The following PLPPR1 variants were observed in gnomAD, a reference collection of about 807,000 sequenced individuals.
PLPPR1 encodes phospholipid phosphatase-related protein type 1.
In PLPPR1, 10 loss-of-function variants were observed where a neutral mutation model predicts 33.1. The observed-to-expected ratio is 0.30, with a 90% CI of 0.19 to 0.51. The LOEUF (loss-of-function observed/expected upper bound fraction) is 0.51. Among genes scored for constraint, PLPPR1 ranks in the 20% least tolerant of loss-of-function variants. The pLI, the probability that PLPPR1 is intolerant of heterozygous loss-of-function variation, is 0.97. For missense variants in PLPPR1, 304 were observed against 408.1 expected (o/e 0.74, Z 2.20); for synonymous variants, 151 against 151.0 (o/e 1.00, Z 0.00).
Position 101,185,568 on chromosome 9 carries a change from T to G in PLPPR1, c.63+11T>G. 1.3e-6 allele frequency: 2 copies of G among 1,560,722 alleles called. No individual in the cohort carries two copies. The highest frequency in any genetic ancestry group is 1.8e-6 in the Non-Finnish European group (2 of 1,135,828). Reference sequence around the variant, plus strand: ...TTTATATTTGTTGAGGTATGTGTATTTTTTAACCTTTATGGACAAATTGAA... The same window carrying G: ...TTTATATTTGTTGAGGTATGTGTATGTTTTAACCTTTATGGACAAATTGAA... On this transcript the variant is annotated intron_variant, in intron 2 of 7. Transcript: ENST00000374874.
At chr9:101,280,043 G>C (rs906575828) in intron 3 of PLPPR1, among the ~76,000 whole-genome samples, 2 of 151,942 alleles carry the variant, frequency 1.3e-5, no homozygotes, top group Admixed American at 6.6e-5. Context: ...CTGACAAACA[G>C]TTAGCCAGAC....
chr9:101,040,877 A>C (rs1830069362), intron 1 of PLPPR1, among the ~76,000 whole-genome samples: 1 of 152,190 alleles, frequency 6.6e-6, no homozygotes, highest in South Asian at 2.1e-4. Flanking sequence ...TACCTGTCAC[A>C]CTCTATAAAT....
chr9:101,204,361 A>T (rs1826550691), intron 2 of PLPPR1, among the ~76,000 whole-genome samples: 1 of 152,186 alleles, frequency 6.6e-6, no homozygotes, highest in African/African-American at 2.4e-5. Flanking sequence ...GAGATGGCAA[A>T]GAAAAGGCAA....
At chr9:101,179,168 G>A (rs970970830) in intron 1 of PLPPR1, among the ~76,000 whole-genome samples, 7 of 152,124 alleles carry the variant, frequency 4.6e-5, no homozygotes, top group African/African-American at 9.7e-5. Flanking sequence ...CCATTAGGGC[G>A]TTGCTTAGTA....
intron 5 of PLPPR1, among the ~76,000 whole-genome samples, chr9:101,312,357 G>A (rs13440141): frequency 0.13 from 19,208 of 152,102 alleles, 1,411 homozygotes; most frequent in African/African-American, 0.19. Flanking sequence ...AAAATAAAAT[G>A]TACGGTCACT....
chr9:101,237,370 T>C (rs1174515929), intron 2 of PLPPR1, among the ~76,000 whole-genome samples: 1 of 151,490 alleles, frequency 6.6e-6, no homozygotes, highest in Non-Finnish European at 1.5e-5. Context: ...ATACCTGCGC[T>C]GTTATATTTA....
intron 1 of PLPPR1, among the ~76,000 whole-genome samples, chr9:101,112,610 C>G (rs1439508602): frequency 2.0e-5 from 3 of 152,234 alleles, no homozygotes; most frequent in African/African-American, 7.2e-5. Context: ...CCCCACATGA[C>G]TCCATAGTTA....
chr9:101,215,514 C>T (rs547230934), intron 2 of PLPPR1, among the ~76,000 whole-genome samples: 15 of 152,282 alleles, frequency 9.9e-5, no homozygotes, highest in African/African-American at 3.4e-4. Context: ...CTCCTGACCT[C>T]GTGATCCCCC....
intron 7 of PLPPR1, 133 bp from the exon 8 acceptor site, chr9:101,323,892 A>G: frequency 1.8e-6 from 1 of 571,052 alleles, no homozygotes; most frequent in South Asian, 2.9e-5. Context: ...GGGCCTTGGA[A>G]AAGCATATTA....
chr9:101,041,641 G>A (rs1830079413), intron 1 of PLPPR1, among the ~76,000 whole-genome samples: 1 of 152,110 alleles, frequency 6.6e-6, no homozygotes. Context: ...TGGTCTAGGG[G>A]ACAGCAGCCA....
At chr9:101,235,384 A>T (rs1412542388) in intron 2 of PLPPR1, among the ~76,000 whole-genome samples, 1 of 151,858 alleles carries the variant, frequency 6.6e-6, no homozygotes, top group Non-Finnish European at 1.5e-5. Flanking sequence ...CTAGTTCACC[A>T]TGATGCAAAT....
intron 2 of PLPPR1, among the ~76,000 whole-genome samples, chr9:101,190,981 G>A (rs1564171112): frequency 2.0e-5 from 3 of 152,152 alleles, no homozygotes; most frequent in African/African-American, 7.2e-5. Context: ...TTTCTCTTTT[G>A]TACATCTCCC....
At chr9:101,187,071 G>T (rs1826216858) in intron 2 of PLPPR1, among the ~76,000 whole-genome samples, 1 of 151,738 alleles carries the variant, frequency 6.6e-6, no homozygotes, top group South Asian at 2.1e-4. Flanking sequence ...TGTGGTGAAG[G>T]GAAAAAATCA....
intron 4 of PLPPR1, among the ~76,000 whole-genome samples, 160 bp from the exon 5 acceptor site, chr9:101,309,051 T>C (rs976803519): frequency 5.3e-5 from 8 of 152,126 alleles, no homozygotes; most frequent in Admixed American, 2.0e-4. Context: ...GAAGAAATGG[T>C]GATTTGGGAA....
At chr9:101,098,068 C>G (rs2993803) in intron 1 of PLPPR1, among the ~76,000 whole-genome samples, 106,647 of 151,880 alleles carry the variant, frequency 0.7, 37,578 homozygotes, top group East Asian at 0.89. Flanking sequence ...AGCATCAATG[C>G]ATAGATTTAA....
chr9:101,083,389 G>GA lies in PLPPR1; in HGVS notation c.-46+54304dup, dbSNP rs11367880. Among the ~76,000 whole-genome samples, 1,002 of 124,620 alleles carry GA rather than the reference G, an allele frequency of 8.0e-3. 11 individuals carry two copies. The highest frequency in any genetic ancestry group is 0.027 in the African/African-American group (882 of 32,994). 81.8% of individuals were successfully genotyped at this position (124,620 alleles called of 152,430 possible). On this transcript the variant is annotated intron_variant, in intron 1 of 7. Transcript: ENST00000374874. ...GTGACAGAGCAAGACTCCATCTCAA[G>GA]AAAAAAAAAAAAAAAAAGTTATGCA...
chr9:101,108,934 G>T (rs1353735503), intron 1 of PLPPR1, among the ~76,000 whole-genome samples: 1 of 150,116 alleles, frequency 6.7e-6, no homozygotes. Flanking sequence ...ACCCACATAA[G>T]CAAAAGCTCT....
intron 1 of PLPPR1, among the ~76,000 whole-genome samples, chr9:101,043,202 T>C (rs146695251): frequency 1.8e-4 from 28 of 152,182 alleles, no homozygotes; most frequent in African/African-American, 6.5e-4. Flanking sequence ...TATAATAGTC[T>C]CCAGTCCCAT....
chr9:101,115,587 T>TA (rs1399460775), intron 1 of PLPPR1, among the ~76,000 whole-genome samples: 2 of 152,210 alleles, frequency 1.3e-5, no homozygotes, highest in Non-Finnish European at 2.9e-5. Flanking sequence ...GTAAGAGACA[T>TA]AAAAAACCAT....
Sources: gnomAD v4.1 joint callset for allele counts (sites outside exome capture counted in the v4.1 genomes callset) on GRCh38, gnomAD v4.1.1 for gene constraint, MANE v1.5 for transcripts, NCBI Gene and HGNC (gene_info 2026-07-23, HGNC 2026-07-21) for gene names.